The following ANKFY1 variants were observed in gnomAD, a reference collection of about 807,000 sequenced individuals.
ANKFY1 encodes the protein ankyrin repeat and FYVE domain containing 1, also known as ankyrin repeat and FYVE domain-containing protein 1.
Under a neutral mutation model 128.3 loss-of-function variants are expected in ANKFY1, and 47 were observed. The observed-to-expected ratio is 0.37, with a 90% confidence interval of 0.29 to 0.47. The LOEUF (loss-of-function observed/expected upper bound fraction) is 0.47, where lower values mean the gene tolerates loss of function less well. ANKFY1 is among the 20% of genes least tolerant of loss of function. The probability of loss-of-function intolerance (pLI) is 1.00; values close to 1 mark genes in which losing one functional copy is unlikely to be tolerated. For synonymous variants in ANKFY1, 553 were observed against 601.6 expected, an observed-to-expected ratio of 0.92 and a Z score of 1.18; for missense variants, 1,222 against 1,510.6, an observed-to-expected ratio of 0.81 and a Z score of 3.17.
chr17:4,183,770 G>A, intron 13 of ANKFY1, 42 bp downstream of exon 13: 2 of 1,562,306 alleles, frequency 1.3e-6, no homozygotes, highest in Non-Finnish European at 1.8e-6. Flanking sequence ...ACTTCGGACA[G>A]CTGTCTGTCT....
rs1168181289 is a variant in ANKFY1 at position 4,178,237 on chromosome 17, C to T, written c.2598+620G>A. ...TGCGAGGATCTCACTTCACGCGGGT[C>T]CCAAGTTCCATCTCACCTTCATGAA... On this transcript the variant is annotated intron_variant, in intron 18 of 24. Coordinates refer to ENST00000341657, the MANE Select transcript of ANKFY1 (RefSeq NM_001330063.2). This position sits in a 1 kb window ranked among gnomAD's most constrained non-coding sequence, Gnocchi z 4.1. 3 of 154,456 alleles carry T rather than the reference C, an allele frequency of 1.9e-5. No homozygotes were observed. The highest frequency in any genetic ancestry group is 4.3e-5 in the Non-Finnish European group (3 of 69,434). The allele number at this position is 154,456 out of a possible 1,614,324, so 9.6% of individuals were successfully genotyped here. A position where few individuals can be genotyped will look rare whatever the true frequency, so the allele number is the denominator to read the frequency against.
chr17:4,246,786 G>C lies in ANKFY1; in HGVS notation c.11-4338C>G, dbSNP rs1193411330. Among the ~76,000 whole-genome samples, 6 of 152,100 alleles carry C rather than the reference G, an allele frequency of 3.9e-5. 1 individual carries two copies. ...AAATATTTATGCATTAAGCATTTTG[G>C]CAGATTAGGAGGTGCCTCTTTTAAG... On this transcript the variant is annotated intron_variant, in intron 1 of 24. Coordinates refer to ENST00000341657, the MANE Select transcript of ANKFY1 (RefSeq NM_001330063.2).
chr17:4,223,679 G>GCGAATAGCCCAGCCA, intron 3 of ANKFY1: 1 of 1,601,824 alleles, frequency 6.2e-7, no homozygotes. Flanking sequence ...CCTGAAAGAT[G>GCGAATAGCCCAGCCA]GTTACCGAAT....
intron 3 of ANKFY1, among the ~76,000 whole-genome samples, chr17:4,219,699 C>G (rs1351739724): frequency 6.6e-6 from 1 of 150,750 alleles, no homozygotes; most frequent in East Asian, 1.9e-4. Context: ...CTAAAACAAC[C>G]AGATATTAAA....
At chr17:4,230,287 T>C (rs1291007451) in intron 3 of ANKFY1, among the ~76,000 whole-genome samples, 1 of 152,200 alleles carries the variant, frequency 6.6e-6, no homozygotes, top group Non-Finnish European at 1.5e-5. Flanking sequence ...TTGGAATGGC[T>C]TGACACTATC....
At chr17:4,213,064 C>A (rs747569642) in intron 4 of ANKFY1, among the ~76,000 whole-genome samples, 6 of 152,066 alleles carry the variant, frequency 3.9e-5, no homozygotes, top group Non-Finnish European at 8.8e-5. Flanking sequence ...CGTGAGCCAC[C>A]GCACCCCACC....
At chr17:4,198,129 T>C (rs2168019) in intron 7 of ANKFY1, among the ~76,000 whole-genome samples, 138,292 of 147,822 alleles carry the variant, frequency 0.94, 65,185 homozygotes, top group East Asian at 1. Context: ...AACTCCGTCT[T>C]AAAAAAAAAA....
intron 1 of ANKFY1, among the ~76,000 whole-genome samples, chr17:4,261,127 A>C (rs1028922329): frequency 1.3e-5 from 2 of 152,222 alleles, no homozygotes; most frequent in African/African-American, 4.8e-5. Flanking sequence ...TCCTAGTTGA[A>C]GTCTGCAACA....
intron 3 of ANKFY1, chr17:4,222,924 C>A: frequency 8.0e-7 from 1 of 1,252,582 alleles, no homozygotes; most frequent in East Asian, 2.3e-5. Context: ...CTCAGGTTAT[C>A]CTACCTTGCG....
intron 8 of ANKFY1, among the ~76,000 whole-genome samples, chr17:4,196,707 T>C (rs2059830891): frequency 1.3e-5 from 2 of 152,226 alleles, no homozygotes; most frequent in African/African-American, 4.8e-5. Context: ...AATTAGAATT[T>C]TCTAACAATT....
At chr17:4,201,834 A>G (rs2059933201) in intron 7 of ANKFY1, among the ~76,000 whole-genome samples, 1 of 152,170 alleles carries the variant, frequency 6.6e-6, no homozygotes, top group South Asian at 2.1e-4. Context: ...GGCTTTTGCT[A>G]TCCATTTATA....
At chr17:4,246,719 T>A (rs182362411) in intron 1 of ANKFY1, among the ~76,000 whole-genome samples, 4 of 152,358 alleles carry the variant, frequency 2.6e-5, no homozygotes, top group African/African-American at 9.6e-5. Context: ...TATAGCTGGC[T>A]GGGGAATTTC....
intron 7 of ANKFY1, among the ~76,000 whole-genome samples, chr17:4,205,722 A>G (rs1412984856): frequency 6.9e-6 from 1 of 145,708 alleles, no homozygotes; most frequent in Non-Finnish European, 1.5e-5. Context: ...AGCCTGGGCG[A>G]CAGAACAAGA....
intron 11 of ANKFY1, chr17:4,186,728 C>T: frequency 1.2e-6 from 1 of 828,570 alleles, no homozygotes; most frequent in Non-Finnish European, 1.5e-6. Flanking sequence ...TACCCCTCCT[C>T]CTCGGGGCTG....
chr17:4,199,564 C>T (rs1393962133), intron 7 of ANKFY1, among the ~76,000 whole-genome samples: 1 of 152,162 alleles, frequency 6.6e-6, no homozygotes, highest in Non-Finnish European at 1.5e-5. Flanking sequence ...AAAAAAACTA[C>T]CTTGACATGT....
chr17:4,235,644 G>C, intron 3 of ANKFY1, 128 bp downstream of exon 3: 1 of 700,058 alleles, frequency 1.4e-6, no homozygotes, highest in Admixed American at 2.3e-5. Context: ...ACTAGTTCAT[G>C]GTTGCCATCA....
At chr17:4,253,324 G>A (rs566522140) in intron 1 of ANKFY1, among the ~76,000 whole-genome samples, 1 of 152,304 alleles carries the variant, frequency 6.6e-6, no homozygotes, top group African/African-American at 2.4e-5. Context: ...CTGCAAAGGA[G>A]GTCAAGGGAA....
At chr17:4,217,419 G>A (rs563223409) in intron 3 of ANKFY1, among the ~76,000 whole-genome samples, 4 of 152,180 alleles carry the variant, frequency 2.6e-5, no homozygotes, top group Non-Finnish European at 5.9e-5. Flanking sequence ...GCCTGGTGGC[G>A]TGCACCTGTA....
At chr17:4,249,255 G>T in intron 1 of ANKFY1, 1 of 230,432 alleles carries the variant, frequency 4.3e-6, no homozygotes, top group Non-Finnish European at 7.2e-6. Flanking sequence ...AACTCTGCCA[G>T]TTGGAACACA....
Sources: allele counts gnomAD v4.1 joint callset (sites outside exome capture counted in the v4.1 genomes callset), GRCh38; gene constraint gnomAD v4.1.1; non-coding constraint Gnocchi (gnomAD v3.1); transcripts MANE v1.5; gene names NCBI Gene and HGNC (gene_info 2026-07-23, HGNC 2026-07-21).